The following AFF3 variants were observed in gnomAD, a reference collection of about 807,000 sequenced individuals.
AFF3 encodes AF4/FMR2 family member 3.
A neutral mutation model predicts 129.7 loss-of-function variants in AFF3; 32 were observed. That is an observed-to-expected ratio of 0.25 (90% CI 0.19 to 0.33). The LOEUF is 0.33. Ranked by LOEUF, AFF3 falls within the 10% of genes least tolerant of loss-of-function variation. The probability of loss-of-function intolerance (pLI) is 1.00; values close to 1 mark genes in which losing one functional copy is unlikely to be tolerated. For synonymous variants in AFF3, 644 were observed against 635.4 expected, an observed-to-expected ratio of 1.01 and a Z score of -0.20; for missense variants, 1,373 against 1,592.0, an observed-to-expected ratio of 0.86 and a Z score of 2.34.
In AFF3 at chr2:99,593,518, C is replaced by T. The variant is rs140781377; in HGVS notation, c.2143G>A (p.Gly715Arg). ...DQRLKEAAANGGSGPRAPVGS... is the reference protein window; with the variant it reads ...DQRLKEAAANRGSGPRAPVGS... Reference sequence around the variant, plus strand: ...ACAGGGGCCCTAGGACCACTGCCCCCGTTGGCAGCGGCCTCCTTCAGCCTC... The same window carrying T: ...ACAGGGGCCCTAGGACCACTGCCCCTGTTGGCAGCGGCCTCCTTCAGCCTC... The change falls in exon 15 of 25, where the codon GGG becomes AGG. Residue 715 changes from glycine to arginine, a missense_variant. By Grantham distance (125) the Gly-to-Arg change is moderately radical. Coordinates refer to ENST00000672756, the MANE Select transcript of AFF3 (RefSeq NM_001386135.1). 6.4e-5 allele frequency: 103 copies of T among 1,613,092 alleles called. No individual in the cohort carries two copies. The highest frequency in any genetic ancestry group is 8.5e-5 in the Non-Finnish European group (100 of 1,179,748).
chr2:99,954,058 G>C (rs2104220135), intron 7 of AFF3, among the ~76,000 whole-genome samples: 1 of 152,286 alleles, frequency 6.6e-6, no homozygotes, highest in African/African-American at 2.4e-5. Context: ...ACTTATTCCA[G>C]GGACTTTTTG....
chr2:100,126,466 C>T (rs1692196882), intron 2 of AFF3, among the ~76,000 whole-genome samples: 1 of 152,174 alleles, frequency 6.6e-6, no homozygotes, highest in Admixed American at 6.5e-5. Context: ...AAATGCTGCA[C>T]GGGGATTAGG....
intron 7 of AFF3, among the ~76,000 whole-genome samples, chr2:99,861,515 T>C (rs1176023353): frequency 1.3e-5 from 2 of 152,214 alleles, no homozygotes; most frequent in African/African-American, 4.8e-5. Context: ...TAATGTCTCA[T>C]GCACTAGAAG....
intron 18 of AFF3, among the ~76,000 whole-genome samples, chr2:99,575,027 C>G (rs769623492): frequency 1.3e-5 from 2 of 151,888 alleles, no homozygotes; most frequent in Admixed American, 6.6e-5. Flanking sequence ...TTTAGTAATC[C>G]TAGGAAACCT....
intron 8 of AFF3, among the ~76,000 whole-genome samples, chr2:99,771,190 T>G (rs1683447688): frequency 6.6e-6 from 1 of 152,102 alleles, no homozygotes; most frequent in Admixed American, 6.5e-5. Flanking sequence ...TTTTCACTTA[T>G]AAGTGGGAGT....
chr2:100,005,472 G>A (rs1328381928), intron 7 of AFF3, among the ~76,000 whole-genome samples: 6 of 152,122 alleles, frequency 3.9e-5, no homozygotes, highest in South Asian at 2.1e-4. Flanking sequence ...TGATGATGAC[G>A]AATCAAACAG....
At chr2:99,582,518 G>A (rs899086419) in intron 17 of AFF3, among the ~76,000 whole-genome samples, 8 of 152,164 alleles carry the variant, frequency 5.3e-5, no homozygotes, top group Non-Finnish European at 7.3e-5. Flanking sequence ...ACTTTGTCCC[G>A]GGATGGTATT....
chr2:99,968,808 T>A (rs75643178), intron 7 of AFF3, among the ~76,000 whole-genome samples: 4,235 of 152,300 alleles, frequency 0.028, 192 homozygotes, highest in African/African-American at 0.095. Flanking sequence ...ACCTTCCTCC[T>A]GCCTTTCCCT....
intron 4 of AFF3, among the ~76,000 whole-genome samples, chr2:100,068,505 C>T (rs1479521216): frequency 6.6e-6 from 1 of 152,148 alleles, no homozygotes; most frequent in Non-Finnish European, 1.5e-5. Context: ...AGGAAAGCCT[C>T]AGTTGGAAGA....
chr2:99,754,656 C>T (rs1681940942), intron 8 of AFF3, among the ~76,000 whole-genome samples: 1 of 152,208 alleles, frequency 6.6e-6, no homozygotes, highest in African/African-American at 2.4e-5. Context: ...CCAACAGCTT[C>T]TTACAACTGA....
chr2:99,921,236 T>C (rs966662730), intron 7 of AFF3, among the ~76,000 whole-genome samples: 1 of 152,136 alleles, frequency 6.6e-6, no homozygotes, highest in Non-Finnish European at 1.5e-5. Context: ...TAACTCACAA[T>C]TGCAGTCTCA....
At chr2:100,135,719 A>C (rs1451363397) in intron 1 of AFF3, among the ~76,000 whole-genome samples, 1 of 152,218 alleles carries the variant, frequency 6.6e-6, no homozygotes, top group Admixed American at 6.5e-5. Context: ...GGAACTGTGA[A>C]ATAGGGACCC....
chr2:99,757,505 C>T lies in AFF3; in HGVS notation c.922-5204G>A, dbSNP rs114322446. ...AAAATATATTATGCACGATTTTAAA[C>T]GCTTTATGTGATTTGCTTAATTCTC... On this transcript the variant is annotated intron_variant, in intron 8 of 24. Transcript: ENST00000672756. Among the ~76,000 whole-genome samples the T allele has an allele frequency of 7.2e-3, 1,100 of 152,188 alleles. 11 individuals are homozygous for T. The highest frequency in any genetic ancestry group is 0.024 in the African/African-American group (1,015 of 41,520).
chr2:99,727,080 G>A lies in AFF3; in HGVS notation c.1088C>T (p.Thr363Ile). The A allele has an allele frequency of 1.2e-6, 2 of 1,604,936 alleles. No individual in the cohort carries two copies. The highest frequency in any genetic ancestry group is 2.3e-5 in the South Asian group (2 of 88,718). ...PESPDNGTSNTSMLEDDLKLS... is the reference protein window; with the variant it reads ...PESPDNGTSNISMLEDDLKLS... ...ATAGAAAATGAAAGAAACTTACGAT[G>A]TATTCGATGTGCCATTGTCTGGACT... Residue 363 changes from threonine (T) to isoleucine (I), a missense_variant, in exon 11 of 25, where the codon ACA becomes ATA. Physicochemically the swap from Thr to Ile is moderately conservative, Grantham distance 89 (BLOSUM62 -1). Around this residue, in one of 9 missense-constraint regions of AFF3, gnomAD observed 413 missense variants for 424.4 expected, o/e 0.97. Coordinates refer to ENST00000672756, the MANE Select transcript of AFF3 (RefSeq NM_001386135.1).
intron 4 of AFF3, among the ~76,000 whole-genome samples, chr2:100,081,016 C>T (rs1257407382): frequency 2.6e-5 from 4 of 152,084 alleles, no homozygotes; most frequent in African/African-American, 9.7e-5. Flanking sequence ...CACAGCAACA[C>T]TAAGATCTGA....
intron 13 of AFF3, among the ~76,000 whole-genome samples, chr2:99,626,428 C>T (rs1311856289): frequency 8.8e-6 from 1 of 114,192 alleles, no homozygotes; most frequent in African/African-American, 3.2e-5. Context: ...CTTTCTCTCT[C>T]CTCCCTCCCT....
intron 16 of AFF3, 22 bp from the exon 17 acceptor site, chr2:99,583,021 A>C (rs755223786): frequency 6.2e-7 from 1 of 1,607,048 alleles, no homozygotes; most frequent in South Asian, 1.1e-5. Context: ...AATTACGGTA[A>C]TGGAATGTTA....
intron 8 of AFF3, among the ~76,000 whole-genome samples, chr2:99,759,480 G>A (rs1682402615): frequency 6.6e-6 from 1 of 152,156 alleles, no homozygotes; most frequent in Non-Finnish European, 1.5e-5. Flanking sequence ...ATCTTACATA[G>A]TAAGTGCTCT....
intron 8 of AFF3, among the ~76,000 whole-genome samples, chr2:99,829,019 A>G (rs530416830): frequency 1.3e-5 from 2 of 152,342 alleles, no homozygotes; most frequent in African/African-American, 4.8e-5. Flanking sequence ...GTGAAATGCT[A>G]TATAATAAAA....
Sources: gnomAD v4.1 joint callset for allele counts (sites outside exome capture counted in the v4.1 genomes callset) on GRCh38, gnomAD v4.1.1 for gene constraint, gnomAD v4.1.1 regional missense constraint, MANE v1.5 for transcripts, NCBI Gene and HGNC (gene_info 2026-07-23, HGNC 2026-07-21) for gene names.